The following C11orf97 variants were observed in gnomAD, a reference collection of about 807,000 sequenced individuals.
C11orf97 encodes the protein chromosome 11 open reading frame 97.
In C11orf97, 15 loss-of-function variants were observed where a neutral mutation model predicts 16.2. The ratio of observed to expected loss-of-function variants is 0.93; its 90% CI spans 0.62 to 1.43. The LOEUF is 1.43. Ranked by LOEUF, C11orf97 falls within the 40% of genes most tolerant of loss-of-function variation. C11orf97 has a pLI of 0.00. For synonymous variants in C11orf97, 61 were observed against 65.7 expected (o/e 0.93, Z 0.34); for missense variants, 171 against 161.2 (o/e 1.06, Z -0.33).
chr11:94,517,317 CTT>C (rs1947618677), intron 1 of C11orf97, among the ~76,000 whole-genome samples: 2 of 152,116 alleles, frequency 1.3e-5, no homozygotes, highest in Admixed American at 1.3e-4. Flanking sequence ...AAGGAGGAAA[CTT>C]TATCTATTTC....
chr11:94,526,508 G>A (rs75243484), intron 2 of C11orf97, among the ~76,000 whole-genome samples: 3 of 152,062 alleles, frequency 2.0e-5, no homozygotes, highest in Non-Finnish European at 4.4e-5. Context: ...TTGTCTGCAC[G>A]GTTCTGCTTC....
At chr11:94,513,050 C>T (rs1444026402) in intron 1 of C11orf97, among the ~76,000 whole-genome samples, 1 of 152,092 alleles carries the variant, frequency 6.6e-6, no homozygotes, top group Non-Finnish European at 1.5e-5. Flanking sequence ...CTTAGAAACA[C>T]GCAGCTCATT....
Position 94,531,962 on chromosome 11 carries a change from G to T in C11orf97, c.*62G>T. Reference sequence around the variant, plus strand: ...CTGCTGATGTCTGAAGAACGGAGAAGAAACTCAAGCTTGTTTCAGGATTTA... The same window carrying T: ...CTGCTGATGTCTGAAGAACGGAGAATAAACTCAAGCTTGTTTCAGGATTTA... On this transcript the variant is annotated 3_prime_UTR_variant, in exon 4 of 4. Transcript: ENST00000542198. 7.4e-7 allele frequency: 1 copy of T among 1,347,368 alleles called. No homozygotes were observed. Among genetic ancestry groups the T allele is most frequent in the Non-Finnish European group, 9.8e-7 (1 of 1,021,518 alleles). 83.5% of individuals were successfully genotyped at this position (1,347,368 alleles called of 1,614,324 possible).
intron 2 of C11orf97, among the ~76,000 whole-genome samples, chr11:94,518,732 C>T (rs1324602972): frequency 6.6e-6 from 1 of 152,140 alleles, no homozygotes; most frequent in Non-Finnish European, 1.5e-5. Context: ...TTGTGACACT[C>T]TTGGGTATCA....
rs556420086 is a variant in C11orf97 at position 94,528,052 on chromosome 11, A to G, written c.251-32A>G. On this transcript the variant is annotated intron_variant, in intron 2 of 3. Coordinates refer to ENST00000542198, the MANE Select transcript of C11orf97 (RefSeq NM_001190462.2). Reference sequence around the variant, plus strand: ...TGTGCTAAAAAGAGAATACGCTAATAATTATTTTCTTGCCTTAAAAAATAT... The same window carrying G: ...TGTGCTAAAAAGAGAATACGCTAATGATTATTTTCTTGCCTTAAAAAATAT... 13 of 1,504,456 alleles carry G rather than the reference A, an allele frequency of 8.6e-6. No individual in the cohort carries two copies. The African/African-American group carries it at 1.7e-4, about 19-fold the overall frequency. 93.2% of individuals were successfully genotyped at this position (1,504,456 alleles called of 1,614,324 possible).
In C11orf97 at chr11:94,531,930, C is replaced by A; in HGVS notation, c.*30C>A. The A allele has an allele frequency of 6.9e-7, 1 of 1,449,376 alleles. No individual in the cohort carries two copies. The highest frequency in any genetic ancestry group is 1.4e-5 in the South Asian group (1 of 72,828). 89.8% of individuals were successfully genotyped at this position (1,449,376 alleles called of 1,614,324 possible). On this transcript the variant is annotated 3_prime_UTR_variant, in exon 4 of 4. Coordinates refer to ENST00000542198, the MANE Select transcript of C11orf97 (RefSeq NM_001190462.2). Reference sequence around the variant, plus strand: ...AATTAGATTTTCCATTAAGAAGGAACCTCTTTCTGCTGATGTCTGAAGAAC... The same window carrying A: ...AATTAGATTTTCCATTAAGAAGGAAACTCTTTCTGCTGATGTCTGAAGAAC...
At chr11:94,530,946 T>C (rs557386238) in intron 3 of C11orf97, among the ~76,000 whole-genome samples, 41 of 152,382 alleles carry the variant, frequency 2.7e-4, no homozygotes, top group Non-Finnish European at 5.0e-4. Flanking sequence ...TTCAGTTAGA[T>C]ACTTCAGTCA....
intron 2 of C11orf97, among the ~76,000 whole-genome samples, chr11:94,519,670 C>T (rs1947642458): frequency 6.6e-6 from 1 of 152,228 alleles, no homozygotes; most frequent in Admixed American, 6.5e-5. Context: ...TTTAAAATAA[C>T]ATCCACTAGA....
chr11:94,513,781 G>T (rs1390193129), intron 1 of C11orf97, among the ~76,000 whole-genome samples: 1 of 152,154 alleles, frequency 6.6e-6, no homozygotes, highest in Non-Finnish European at 1.5e-5. Context: ...CAGTATACTT[G>T]GGTAATGGAG....
intron 1 of C11orf97, 123 bp from the exon 2 acceptor site, chr11:94,517,459 AT>A (rs1393042665): frequency 4.0e-6 from 2 of 498,920 alleles, no homozygotes; most frequent in African/African-American, 4.0e-5. Flanking sequence ...TTCAGGGCAA[AT>A]TGTCTGATAT....
chr11:94,525,686 T>C lies in C11orf97; in HGVS notation c.251-2398T>C, dbSNP rs1238920472. ...ACCAGACATAAATTAAAATTACTTA[T>C]ATTTTTCTTTCTGTAGTCAAACTCT... is the stretch of plus-strand genomic sequence containing the variant. On this transcript the variant is annotated intron_variant, in intron 2 of 3. Coordinates refer to ENST00000542198, the MANE Select transcript of C11orf97 (RefSeq NM_001190462.2). Among the ~76,000 whole-genome samples, 4 of 152,366 alleles carry C rather than the reference T, an allele frequency of 2.6e-5. No homozygotes were observed. In the East Asian group the frequency reaches 7.7e-4, roughly 29 times the overall value.
At position 94,517,647 on chromosome 11, in the gene C11orf97, T is replaced by C. The variant is rs1947622128; in HGVS notation, c.210T>C (p.His70=). The change falls in exon 2 of 4, where the codon CAT becomes CAC. Residue 70 remains histidine (H), a synonymous_variant. Coordinates refer to ENST00000542198, the MANE Select transcript of C11orf97 (RefSeq NM_001190462.2). Reference sequence around the variant, plus strand: ...AGGAAGTACTGGAAGAAGAACGTCATATTAAGAGAGATGAATGCCACATTA... The same window carrying C: ...AGGAAGTACTGGAAGAAGAACGTCACATTAAGAGAGATGAATGCCACATTA... The part of the protein sequence containing the change: ...RIKEVLEEER[H]IKRDECHIKN... The C allele has an allele frequency of 6.5e-7, 1 of 1,532,036 alleles. No homozygotes were observed. The highest frequency in any genetic ancestry group is 1.4e-5 in the African/African-American group (1 of 72,890). 94.9% of individuals were successfully genotyped at this position (1,532,036 alleles called of 1,614,324 possible).
chr11:94,527,526 G>A (rs552036273), intron 2 of C11orf97, among the ~76,000 whole-genome samples: 1 of 152,166 alleles, frequency 6.6e-6, no homozygotes, highest in Non-Finnish European at 1.5e-5. Context: ...ATTATCAATG[G>A]GCAAACATCA....
At chr11:94,527,577 C>T (rs1421377727) in intron 2 of C11orf97, among the ~76,000 whole-genome samples, 8 of 152,152 alleles carry the variant, frequency 5.3e-5, no homozygotes, top group Admixed American at 5.2e-4. Context: ...ATGTAGGATC[C>T]AGTGAGTTTA....
At position 94,518,018 on chromosome 11, in the gene C11orf97, G is replaced by A. The variant is rs539502973; in HGVS notation, c.250+331G>A. 2.2e-4 allele frequency among the ~76,000 whole-genome samples: 34 copies of A among 151,982 alleles called. 1 individual carries two copies. The highest frequency in any genetic ancestry group is 6.5e-4 in the African/African-American group (27 of 41,452). On this transcript the variant is annotated intron_variant, in intron 2 of 3. Coordinates refer to ENST00000542198, the MANE Select transcript of C11orf97 (RefSeq NM_001190462.2). ...CAAAAAATTAGCCGGGTATGGTGGC[G>A]GGCACCTGTAGTCCCAGCTACTCGG...
intron 1 of C11orf97, among the ~76,000 whole-genome samples, chr11:94,514,640 C>CTT (rs10562282): frequency 4.2e-4 from 35 of 82,430 alleles, no homozygotes; most frequent in Admixed American, 8.1e-4. Context: ...TTATTTTTGC[C>CTT]TTTTTTTTTT....
In C11orf97 at chr11:94,517,724, G is replaced by T. The variant is rs924239724; in HGVS notation, c.250+37G>T. 1.0e-5 allele frequency: 14 copies of T among 1,352,674 alleles called. No individual in the cohort carries two copies. In the Admixed American group the frequency reaches 3.4e-4, roughly 33 times the overall value. 83.8% of individuals were successfully genotyped at this position (1,352,674 alleles called of 1,614,324 possible). On this transcript the variant is annotated intron_variant, in intron 2 of 3. Transcript: ENST00000542198. The stretch of plus-strand genomic sequence containing the variant: ...GACAAATGAAGTATGTTTGTGAAAT[G>T]AATATGAAATTGCCTACTTGATGAC...
Position 94,514,067 on chromosome 11 carries a change from C to T in C11orf97, c.145+1394C>T, listed in dbSNP as rs186493294. Among the ~76,000 whole-genome samples the T allele has an allele frequency of 3.7e-4, 57 of 152,334 alleles. No individual in the cohort carries two copies. The East Asian group carries it at 9.4e-3, about 25-fold the overall frequency. On this transcript the variant is annotated intron_variant, in intron 1 of 3. Transcript: ENST00000542198. ...TCGAGTGATCCGCTCGCCTCAGCCT[C>T]CCAAAGTGCTGGGATTACAGGCATG... is the stretch of plus-strand genomic sequence containing the variant.
chr11:94,528,449 C>T lies in C11orf97; in HGVS notation c.376+240C>T, dbSNP rs112898558. On this transcript the variant is annotated intron_variant, in intron 3 of 3. Transcript: ENST00000542198. The stretch of plus-strand genomic sequence containing the variant: ...AGAAGTTCATCCTCTGAGTTACACT[C>T]ATGACTTTTTTCTTTACTTTCTATC... Among the ~76,000 whole-genome samples, 333 of 152,236 alleles carry T rather than the reference C, an allele frequency of 2.2e-3. 5 individuals carry two copies. The highest frequency in any genetic ancestry group is 7.6e-3 in the African/African-American group (314 of 41,530).
Sources: gnomAD v4.1 joint callset for allele counts (sites outside exome capture counted in the v4.1 genomes callset) on GRCh38, gnomAD v4.1.1 for gene constraint, MANE v1.5 for transcripts, NCBI Gene and HGNC (gene_info 2026-07-23, HGNC 2026-07-21) for gene names.